RANBP9: variants seen among roughly 807,000 people sequenced by gnomAD.
RANBP9 encodes the protein RAN binding protein 9.
RANBP9 carries 15 observed loss-of-function variants against 84.3 expected under a neutral mutation model. The ratio of observed to expected loss-of-function variants is 0.18; its 90% CI spans 0.12 to 0.27. The LOEUF (loss-of-function observed/expected upper bound fraction) is 0.27, where lower values mean the gene tolerates loss of function less well. Ranked by LOEUF, RANBP9 falls within the 10% of genes least tolerant of loss-of-function variation. The pLI, the probability that RANBP9 is intolerant of heterozygous loss-of-function variation, is 1.00. For synonymous variants in RANBP9, 392 were observed against 349.6 expected (o/e 1.12, Z -1.35); for missense variants, 809 against 912.8 (o/e 0.89, Z 1.46).
In RANBP9 at chr6:13,672,056, T is replaced by A. The variant is rs1307213743; in HGVS notation, c.684-13224A>T. Among the ~76,000 whole-genome samples the A allele has an allele frequency of 2.6e-5, 4 of 152,168 alleles. No homozygotes were observed. In the South Asian group the frequency reaches 8.3e-4, roughly 31 times the overall value. On this transcript the variant is annotated intron_variant, in intron 2 of 13. Transcript: ENST00000011619. ...AAGTAAGTAGCAAACTGCTGGAGAC[T>A]GAGAGTGAACTAACTTGAGCTTTAA...
intron 5 of RANBP9, among the ~76,000 whole-genome samples, chr6:13,650,740 AG>A (rs1311740610): frequency 6.6e-6 from 1 of 152,192 alleles, no homozygotes; most frequent in Non-Finnish European, 1.5e-5. Context: ...CGGAGAAGAC[AG>A]TATCACATAG....
chr6:13,698,231 T>C (rs1257918731), intron 1 of RANBP9, among the ~76,000 whole-genome samples: 2 of 152,174 alleles, frequency 1.3e-5, no homozygotes, highest in Non-Finnish European at 2.9e-5. Context: ...GAAGTTCTTT[T>C]AGCCTGGTGA....
Position 13,637,945 on chromosome 6 carries a change from A to G in RANBP9, c.1536T>C (p.Ser512=), listed in dbSNP as rs1382382926. 1.9e-6 allele frequency: 3 copies of G among 1,595,696 alleles called. No homozygotes were observed. Among genetic ancestry groups the G allele is most frequent in the Non-Finnish European group, 2.6e-6 (3 of 1,173,810 alleles). The change falls in exon 10 of 14, where the codon AGT becomes AGC. Residue 512 remains serine (S), a synonymous_variant. Coordinates refer to ENST00000011619, the MANE Select transcript of RANBP9 (RefSeq NM_005493.3). ...GSTAHFSGFE[S]CSNGVISNKA... is the part of the protein sequence containing the mutation. ...TATTTGATATTACACCATTACTACAACTTTCAAAACCTGAAGAAAAAGATA... is the reference window on the plus strand; with the variant it reads ...TATTTGATATTACACCATTACTACAGCTTTCAAAACCTGAAGAAAAAGATA...
chr6:13,629,390 T>A (rs1023937682), intron 12 of RANBP9, among the ~76,000 whole-genome samples: 4 of 152,214 alleles, frequency 2.6e-5, no homozygotes, highest in African/African-American at 9.6e-5. Flanking sequence ...CTAGTTAAGA[T>A]ACATGCACAT....
chr6:13,680,683 G>A (rs1256761503), intron 2 of RANBP9, among the ~76,000 whole-genome samples: 1 of 151,962 alleles, frequency 6.6e-6, no homozygotes, highest in Non-Finnish European at 1.5e-5. Context: ...TTGGCCCCAG[G>A]AGGTTGAGGC....
chr6:13,666,196 GATTAGGAGGGAAGTATACC>G (rs1765640605), intron 2 of RANBP9, among the ~76,000 whole-genome samples: 1 of 152,090 alleles, frequency 6.6e-6, no homozygotes, highest in African/African-American at 2.4e-5. Flanking sequence ...ATGCTGTAGT[GATTAGGAGGGAAGTATACC>G]TACACTGAAA....
chr6:13,693,364 A>C (rs1008745060), intron 2 of RANBP9, among the ~76,000 whole-genome samples: 1 of 152,220 alleles, frequency 6.6e-6, no homozygotes, highest in Non-Finnish European at 1.5e-5. Context: ...AAATCACTAG[A>C]AACCTATTAT....
At chr6:13,693,635 C>T (rs1766376639) in intron 2 of RANBP9, among the ~76,000 whole-genome samples, 1 of 152,188 alleles carries the variant, frequency 6.6e-6, no homozygotes, top group Non-Finnish European at 1.5e-5. Flanking sequence ...TATCCCTCCA[C>T]AGCATGGCTG....
chr6:13,658,925 A>C lies in RANBP9; in HGVS notation c.684-93T>G, dbSNP rs1765473672. On this transcript the variant is annotated intron_variant, in intron 2 of 13. Transcript: ENST00000011619. ...ACAGTCTCAAACAATATCAGAACCAAGCCCAAGTTGGAACTCCTAAGGTAG... is the reference window on the plus strand; with the variant it reads ...ACAGTCTCAAACAATATCAGAACCACGCCCAAGTTGGAACTCCTAAGGTAG... 49 of 1,284,772 alleles carry C rather than the reference A, an allele frequency of 3.8e-5. No homozygotes were observed. The South Asian group carries it at 5.6e-4, about 15-fold the overall frequency. 79.6% of individuals were successfully genotyped at this position (1,284,772 alleles called of 1,614,324 possible).
intron 3 of RANBP9, among the ~76,000 whole-genome samples, chr6:13,657,556 G>A (rs1372116589): frequency 6.6e-6 from 1 of 152,110 alleles, no homozygotes; most frequent in East Asian, 1.9e-4. Context: ...AACCACAGGA[G>A]GACACATTTT....
At chr6:13,700,773 G>GC (rs1757948746) in intron 1 of RANBP9, among the ~76,000 whole-genome samples, 1 of 152,114 alleles carries the variant, frequency 6.6e-6, no homozygotes, top group Admixed American at 6.6e-5. Flanking sequence ...AACAGACCAA[G>GC]CCACCTGTAA....
At chr6:13,631,863 A>G (rs1219607296) in intron 12 of RANBP9, among the ~76,000 whole-genome samples, 3 of 152,192 alleles carry the variant, frequency 2.0e-5, no homozygotes, top group African/African-American at 2.4e-5. Context: ...TTTAAAATGT[A>G]TTTTAACTAT....
chr6:13,625,595 C>T, intron 13 of RANBP9, 58 bp downstream of exon 13: 1 of 1,233,188 alleles, frequency 8.1e-7, no homozygotes, highest in Non-Finnish European at 1.2e-6. Context: ...GTACAAACAC[C>T]CTCTCTTAAA....
At chr6:13,659,257 TACACACACACACAC>T (rs60255234) in intron 2 of RANBP9, among the ~76,000 whole-genome samples, 7 of 130,558 alleles carry the variant, frequency 5.4e-5, no homozygotes, top group Admixed American at 3.0e-4. Context: ...CACACACACA[TACACACACACACAC>T]ACACACACAC....
chr6:13,647,010 T>G (rs1320609196), intron 5 of RANBP9, among the ~76,000 whole-genome samples: 1 of 152,178 alleles, frequency 6.6e-6, no homozygotes, highest in Non-Finnish European at 1.5e-5. Flanking sequence ...AGATTAAGAC[T>G]TGAAAGGCTG....
intron 11 of RANBP9, 79 bp from the exon 12 acceptor site, chr6:13,632,600 C>G: frequency 7.7e-7 from 1 of 1,294,008 alleles, no homozygotes. Context: ...TTTCTTATAC[C>G]ATTTTGTACA....
intron 12 of RANBP9, among the ~76,000 whole-genome samples, chr6:13,628,689 T>G (rs1341780889): frequency 6.6e-6 from 1 of 152,214 alleles, no homozygotes; most frequent in East Asian, 1.9e-4. Flanking sequence ...GATTCTTTCT[T>G]CACAAAGGAA....
rs371515277 is a variant in RANBP9 at position 13,696,868 on chromosome 6, C to T, written c.600G>A (p.Ala200=). 10 of 1,612,918 alleles carry T rather than the reference C, an allele frequency of 6.2e-6. No individual in the cohort carries two copies. Among genetic ancestry groups the T allele is most frequent in the East Asian group, 2.2e-5 (1 of 44,824 alleles). Reference sequence around the variant, plus strand: ...GTATTGGATGCGTGGCTCGAACTGACGCGGCATCTTTTGGGGTTTTGCCAT... The same window carrying T: ...GTATTGGATGCGTGGCTCGAACTGATGCGGCATCTTTTGGGGTTTTGCCAT... ...KGHGKTPKDA[A]SVRATHPIPA... The change falls in exon 2 of 14, where the codon GCG becomes GCA. Residue 200 remains alanine, a synonymous_variant. Transcript: ENST00000011619.
chr6:13,648,141 G>A (rs545691900), intron 5 of RANBP9, among the ~76,000 whole-genome samples: 28 of 80,672 alleles, frequency 3.5e-4, no homozygotes, highest in Admixed American at 1.3e-3. Flanking sequence ...TATATGACTG[G>A]TTTTTTTTTT....
Sources: gnomAD v4.1 joint callset for allele counts (sites outside exome capture counted in the v4.1 genomes callset) on GRCh38, gnomAD v4.1.1 for gene constraint, MANE v1.5 for transcripts, NCBI Gene and HGNC (gene_info 2026-07-23, HGNC 2026-07-21) for gene names.